Variants in DSCAML1 observed in about 807,000 individuals in gnomAD.
The protein encoded by DSCAML1 is cell adhesion molecule DSCAML1.
A neutral mutation model predicts 200.5 loss-of-function variants in DSCAML1; 38 were observed. The ratio of observed to expected loss-of-function variants is 0.19; its 90% CI spans 0.15 to 0.25. The LOEUF (loss-of-function observed/expected upper bound fraction) is 0.25. DSCAML1 is among the 10% of genes least tolerant of loss of function. The pLI is 1.00. For missense variants in DSCAML1, 2,223 were observed against 2,858.8 expected (o/e 0.78, Z 5.07); for synonymous variants, 1,215 against 1,165.0 (o/e 1.04, Z -0.87).
intron 3 of DSCAML1, among the ~76,000 whole-genome samples, chr11:117,587,218 G>C (rs368233514): frequency 2.6e-5 from 4 of 151,146 alleles, no homozygotes; most frequent in African/African-American, 7.3e-5. Context: ...CAACGAACAG[G>C]GTGTTGTGAT....
rs142765845 is a variant in DSCAML1, at chr11:117,751,733, G to A, written c.511+25058C>T. ...ACCTGGGGGAAAAAATGGAGGCTCA[G>A]GGGGTGAAAGGCAAAGTGCCCTTGG... On this transcript the variant is annotated intron_variant, in intron 3 of 32. Coordinates refer to ENST00000651296, the MANE Select transcript of DSCAML1 (RefSeq NM_020693.4). 7.2e-3 allele frequency among the ~76,000 whole-genome samples: 1,097 copies of A among 152,254 alleles called. 9 individuals carry two copies. The highest frequency in any genetic ancestry group is 0.037 in the Middle Eastern group (11 of 294).
At chr11:117,762,773 G>A (rs892594032) in intron 3 of DSCAML1, among the ~76,000 whole-genome samples, 2 of 151,918 alleles carry the variant, frequency 1.3e-5, no homozygotes, top group Admixed American at 1.3e-4. Context: ...TGAGACAGGA[G>A]AATCACTTGA....
Position 117,505,184 on chromosome 11 carries a change from G to A in DSCAML1, c.2063-141C>T, listed in dbSNP as rs538132858. 1.5e-6 allele frequency: 2 copies of A among 1,325,558 alleles called. No individual in the cohort carries two copies. The highest frequency in any genetic ancestry group is 1.5e-5 in the South Asian group (1 of 68,126). 82.1% of individuals were successfully genotyped at this position (1,325,558 alleles called of 1,614,324 possible). A position where few individuals can be genotyped will look rare whatever the true frequency, so the allele number is the denominator to read the frequency against. ...GCGGGCAGTTTCTGAAACCCAAGAT[G>A]CTGAGAACTTTTGTTGAGTACTGGG... On this transcript the variant is annotated intron_variant, in intron 9 of 32. Coordinates refer to ENST00000651296, the MANE Select transcript of DSCAML1 (RefSeq NM_020693.4). This position sits in a 1 kb window ranked among gnomAD's most constrained non-coding sequence, Gnocchi z 6.7.
At chr11:117,647,141 A>G (rs1044117296) in intron 3 of DSCAML1, among the ~76,000 whole-genome samples, 7 of 152,246 alleles carry the variant, frequency 4.6e-5, no homozygotes, top group African/African-American at 1.4e-4. Context: ...CCTGCTCACC[A>G]GAGCTGGAGG....
At chr11:117,529,183 A>C (rs112192085) in intron 4 of DSCAML1, among the ~76,000 whole-genome samples, 5,284 of 152,072 alleles carry the variant, frequency 0.035, 317 homozygotes, top group African/African-American at 0.12. Context: ...GGTTCAAGCG[A>C]TTCTTTGCCT....
At position 117,482,119 on chromosome 11, in the gene DSCAML1, G is replaced by T. The variant is rs772857886; in HGVS notation, c.2403C>A (p.Ile801=). 6.2e-7 allele frequency: 1 copy of T among 1,614,182 alleles called. No homozygotes were observed. Among genetic ancestry groups the T allele is most frequent in the East Asian group, 2.2e-5 (1 of 44,876 alleles). Residue 801 remains isoleucine, a synonymous_variant, in exon 12 of 33, where the codon ATC becomes ATA. Transcript: ENST00000651296. The stretch of plus-strand genomic sequence containing the variant: ...AGTTTAGCTCCTTCGCATGGCCCTT[G>T]ATGGCGATGGTGGTGTTGGGGTGGG... ...ITSHPNTTIA[I]KGHAKELNCT...
intron 3 of DSCAML1, among the ~76,000 whole-genome samples, chr11:117,590,400 C>T (rs1271802984): frequency 6.6e-6 from 1 of 151,976 alleles, no homozygotes; most frequent in African/African-American, 2.4e-5. Flanking sequence ...CCATGCACCA[C>T]CTAGAATTGC....
chr11:117,561,405 T>C (rs1419440555), intron 3 of DSCAML1, among the ~76,000 whole-genome samples: 1 of 152,206 alleles, frequency 6.6e-6, no homozygotes, highest in African/African-American at 2.4e-5. Context: ...CCTCGCTCTG[T>C]GATTCTGCCA....
chr11:117,743,315 G>T (rs1157147568), intron 3 of DSCAML1, among the ~76,000 whole-genome samples: 3 of 152,104 alleles, frequency 2.0e-5, no homozygotes, highest in African/African-American at 7.2e-5. Context: ...CCTGGATTGG[G>T]GCCAGTCCCC....
intron 3 of DSCAML1, among the ~76,000 whole-genome samples, chr11:117,561,557 T>C (rs2050663537): frequency 6.6e-6 from 1 of 152,168 alleles, no homozygotes; most frequent in Non-Finnish European, 1.5e-5. Flanking sequence ...CAGAACCTCT[T>C]CCTATAGCGC....
At chr11:117,535,470 C>T (rs1282591876) in intron 3 of DSCAML1, among the ~76,000 whole-genome samples, 1 of 152,036 alleles carries the variant, frequency 6.6e-6, no homozygotes, top group Non-Finnish European at 1.5e-5. Flanking sequence ...CGGGCAGACC[C>T]CGCAACTAGG....
chr11:117,549,625 T>C (rs1591253641), intron 3 of DSCAML1, among the ~76,000 whole-genome samples: 1 of 152,232 alleles, frequency 6.6e-6, no homozygotes, highest in South Asian at 2.1e-4. Flanking sequence ...GATTGCGTGA[T>C]AAACGATTGC....
chr11:117,593,028 G>A (rs1353138255), intron 3 of DSCAML1, among the ~76,000 whole-genome samples: 1 of 152,248 alleles, frequency 6.6e-6, no homozygotes. Flanking sequence ...TGAAGATTAA[G>A]CAAAAGACAT....
intron 3 of DSCAML1, among the ~76,000 whole-genome samples, chr11:117,592,801 G>A (rs188186966): frequency 6.6e-5 from 10 of 152,362 alleles, no homozygotes; most frequent in African/African-American, 2.2e-4. Flanking sequence ...CATACATGAT[G>A]GGTGCAGACC....
intron 3 of DSCAML1, among the ~76,000 whole-genome samples, chr11:117,646,885 A>T (rs941183702): frequency 1.3e-5 from 2 of 152,038 alleles, no homozygotes; most frequent in African/African-American, 4.8e-5. Flanking sequence ...AGAAACCAAC[A>T]TGGAGGAACC....
chr11:117,776,809 T>C lies in DSCAML1; in HGVS notation c.493A>G (p.Thr165Ala). Residue 165 changes from threonine (T) to alanine (A), a missense_variant, in exon 3 of 33, where the codon ACA (threonine) becomes GCA (alanine). Transcript: ENST00000651296. ...TTCTTACCTGGGATGATGGAGACTGTGTCTTTCTCCCAAGATACAACGCTA... is the reference window on the plus strand; with the variant it reads ...TTCTTACCTGGGATGATGGAGACTGCGTCTTTCTCCCAAGATACAACGCTA... ...YVSVVSWEKD[T>A]VSIIPEHRFF... 1 of 1,614,134 alleles carries C rather than the reference T, an allele frequency of 6.2e-7. No individual in the cohort carries two copies. The highest frequency in any genetic ancestry group is 8.5e-7 in the Non-Finnish European group (1 of 1,180,026).
chr11:117,627,527 C>T (rs1490594090), intron 3 of DSCAML1, among the ~76,000 whole-genome samples: 2 of 152,076 alleles, frequency 1.3e-5, no homozygotes, highest in African/African-American at 4.8e-5. Context: ...TTCCCCTGAG[C>T]CGCTGCACCC....
chr11:117,752,131 A>G (rs2062382645), intron 3 of DSCAML1, among the ~76,000 whole-genome samples: 1 of 152,176 alleles, frequency 6.6e-6, no homozygotes, highest in African/African-American at 2.4e-5. Context: ...ATTTCTGTCA[A>G]AAGTCCCAAT....
At chr11:117,615,300 C>T (rs1163810854) in intron 3 of DSCAML1, among the ~76,000 whole-genome samples, 2 of 152,182 alleles carry the variant, frequency 1.3e-5, no homozygotes, top group African/African-American at 4.8e-5. Context: ...AGGGGTTGGC[C>T]TGAGCTGTCT....
Sources: allele counts gnomAD v4.1 joint callset (sites outside exome capture counted in the v4.1 genomes callset), GRCh38; gene constraint gnomAD v4.1.1; non-coding constraint Gnocchi (gnomAD v3.1); transcripts MANE v1.5; gene names NCBI Gene and HGNC (gene_info 2026-07-23, HGNC 2026-07-21).